The following MYT1L variants were observed in gnomAD, a reference collection of about 807,000 sequenced individuals.
The protein encoded by MYT1L is myelin transcription factor 1-like protein.
In MYT1L, 12 loss-of-function variants were observed where a neutral mutation model predicts 126.7. That is an observed-to-expected ratio of 0.09 (90% confidence interval 0.06 to 0.15). The LOEUF is 0.15. Among genes scored for constraint, MYT1L ranks in the 10% least tolerant of loss-of-function variants. The pLI, the probability that MYT1L is intolerant of heterozygous loss-of-function variation, is 1.00. For synonymous variants in MYT1L, 541 were observed against 604.2 expected (o/e 0.90, Z 1.53); for missense variants, 979 against 1,585.2 (o/e 0.62, Z 6.49).
intron 2 of MYT1L, among the ~76,000 whole-genome samples, chr2:2,261,893 C>T (rs73913293): frequency 0.016 from 2,456 of 152,228 alleles, 63 homozygotes; most frequent in African/African-American, 0.057. Flanking sequence ...TAAAAATAAA[C>T]TTAAAAAATA....
intron 3 of MYT1L, among the ~76,000 whole-genome samples, chr2:2,082,063 A>C (rs1249163475): frequency 6.6e-6 from 1 of 152,096 alleles, no homozygotes; most frequent in Non-Finnish European, 1.5e-5. Context: ...TTTAAAGCAT[A>C]ATTGGAATGA....
chr2:1,949,788 G>A (rs1358894949), intron 8 of MYT1L, among the ~76,000 whole-genome samples: 1 of 152,192 alleles, frequency 6.6e-6, no homozygotes, highest in African/African-American at 2.4e-5. Flanking sequence ...CCACCAGAGA[G>A]CGGGGCTCGG....
At chr2:2,203,756 A>T (rs2093186763) in intron 2 of MYT1L, among the ~76,000 whole-genome samples, 1 of 152,206 alleles carries the variant, frequency 6.6e-6, no homozygotes, top group African/African-American at 2.4e-5. Flanking sequence ...ATTGGAAAAA[A>T]CTACTTTAAA....
chr2:2,027,014 C>T (rs988842335), intron 4 of MYT1L, among the ~76,000 whole-genome samples: 2 of 152,162 alleles, frequency 1.3e-5, no homozygotes, highest in Admixed American at 6.5e-5. Context: ...AGCGTCCAGG[C>T]GGGGGCACAT....
At chr2:2,088,856 T>C (rs1271749224) in intron 3 of MYT1L, among the ~76,000 whole-genome samples, 1 of 152,200 alleles carries the variant, frequency 6.6e-6, no homozygotes, top group African/African-American at 2.4e-5. Flanking sequence ...TCTCATTTTT[T>C]AAAATCAAAC....
chr2:1,816,999 C>T (rs1191864160), intron 21 of MYT1L: 1 of 152,272 alleles, frequency 6.6e-6, no homozygotes, highest in Non-Finnish European at 1.5e-5. Context: ...CCTCAGCTCC[C>T]CATGGGTGCC....
At chr2:2,286,563 G>A (rs1366099620) in intron 1 of MYT1L, among the ~76,000 whole-genome samples, 3 of 152,078 alleles carry the variant, frequency 2.0e-5, no homozygotes, top group Non-Finnish European at 4.4e-5. Flanking sequence ...TCTGGTCTTC[G>A]GATTTTACTT....
intron 1 of MYT1L, among the ~76,000 whole-genome samples, chr2:2,302,296 A>G (rs2095797314): frequency 6.6e-6 from 1 of 152,268 alleles, no homozygotes. Context: ...TAATTACCTA[A>G]CTTATTAGTC....
rs1478741406 is a variant in MYT1L at position 1,889,769 on chromosome 2, T to C, written c.2284-292A>G. ...ATTTATCTACTGTCTATCCTCTCTC[T>C]CTCCTTCCTTTTTGTCCTATTGTAT... On this transcript the variant is annotated intron_variant, in intron 15 of 24. Coordinates refer to ENST00000647738, the MANE Select transcript of MYT1L (RefSeq NM_001303052.2). The surrounding 1 kb of genome is among the most constrained non-coding windows in gnomAD (Gnocchi z 4.1). 6.6e-6 allele frequency among the ~76,000 whole-genome samples: 1 copy of C among 152,118 alleles called. No individual in the cohort carries two copies. Among genetic ancestry groups the C allele is most frequent in the Admixed American group, 6.5e-5 (1 of 15,284 alleles).
At chr2:1,956,438 CTACCT>C (rs1264044035) in intron 8 of MYT1L, among the ~76,000 whole-genome samples, 5 of 80,438 alleles carry the variant, frequency 6.2e-5, no homozygotes, top group East Asian at 9.5e-4. Context: ...ATCTATCTAT[CTACCT>C]ATCATCTATC....
chr2:2,025,205 C>T (rs2065417219), intron 4 of MYT1L, among the ~76,000 whole-genome samples: 1 of 152,314 alleles, frequency 6.6e-6, no homozygotes, highest in African/African-American at 2.4e-5. Flanking sequence ...CACAGCACTG[C>T]CTCCAAGCCT....
At chr2:2,180,290 GT>G (rs778074388) in intron 2 of MYT1L, among the ~76,000 whole-genome samples, 2 of 150,762 alleles carry the variant, frequency 1.3e-5, no homozygotes, top group African/African-American at 2.4e-5. Context: ...TTCTTCATTT[GT>G]TTAGCATAGT....
chr2:2,159,179 G>A (rs1016620020), intron 3 of MYT1L, among the ~76,000 whole-genome samples: 3 of 152,124 alleles, frequency 2.0e-5, no homozygotes, highest in African/African-American at 7.2e-5. Context: ...GGCTGTCGGG[G>A]TGACGGTGAC....
chr2:1,922,670 A>T lies in MYT1L; in HGVS notation c.1099T>A (p.Phe367Ile). ...TTTCTGTCCGGCGTCCTTCCGGGGA[A>T]GTCCTCTTCTGGCCGGACATGCTGA... ...IRQHVRPEED[F>I]PGRTPDRNYS... The change falls in exon 10 of 25, where the codon TTC (phenylalanine) becomes ATC (isoleucine). Residue 367 changes from phenylalanine to isoleucine, a missense_variant. By Grantham distance (21) the Phe-to-Ile change is conservative (BLOSUM62 0). This residue lies in a region of MYT1L where 243 missense variants were observed against 363.9 expected (regional missense o/e 0.67). Coordinates refer to ENST00000647738, the MANE Select transcript of MYT1L (RefSeq NM_001303052.2). The surrounding 1 kb of genome is among the most constrained non-coding windows in gnomAD (Gnocchi z 7.4). The T allele has an allele frequency of 6.2e-7, 1 of 1,613,816 alleles. No homozygotes were observed. The highest frequency in any genetic ancestry group is 8.5e-7 in the Non-Finnish European group (1 of 1,179,844).
intron 2 of MYT1L, among the ~76,000 whole-genome samples, chr2:2,262,196 G>A (rs2094986025): frequency 6.6e-6 from 1 of 152,096 alleles, no homozygotes; most frequent in Non-Finnish European, 1.5e-5. Flanking sequence ...AATCAACTTT[G>A]GGGAAGAATA....
Position 1,790,952 on chromosome 2 carries a change from AG to A in MYT1L, c.*914del. 7.8e-6 allele frequency: 2 copies of A among 255,016 alleles called. No homozygotes were observed. Among genetic ancestry groups the A allele is most frequent in the South Asian group, 9.1e-5 (2 of 21,920 alleles). The allele number at this position is 255,016 out of a possible 1,614,324, so 15.8% of individuals were successfully genotyped here. A position where few individuals can be genotyped will look rare whatever the true frequency, so the allele number is the denominator to read the frequency against. On this transcript the variant is annotated 3_prime_UTR_variant, in exon 25 of 25. Transcript: ENST00000647738. ...TACATTGCAATAACAGACAGTTCAG[AG>A]GGGCACGAAACTCTAGGGGAGATAC... is the stretch of plus-strand genomic sequence containing the variant.
intron 2 of MYT1L, among the ~76,000 whole-genome samples, chr2:2,269,271 A>T (rs2095210072): frequency 6.6e-6 from 1 of 152,242 alleles, no homozygotes; most frequent in Non-Finnish European, 1.5e-5. Flanking sequence ...ATTGAGATCA[A>T]ATTGTTACAG....
At chr2:2,160,528 AG>A (rs2087694697) in intron 3 of MYT1L, among the ~76,000 whole-genome samples, 1 of 152,184 alleles carries the variant, frequency 6.6e-6, no homozygotes, top group Non-Finnish European at 1.5e-5. Flanking sequence ...GAGAGGGTTG[AG>A]GGGAGACTTC....
chr2:2,212,312 C>T (rs373356544), intron 2 of MYT1L, among the ~76,000 whole-genome samples: 40 of 151,294 alleles, frequency 2.6e-4, no homozygotes, highest in South Asian at 2.1e-4. Flanking sequence ...AAGGAGCAGG[C>T]GAAATTTTAG....
Sources: gnomAD v4.1 joint callset for allele counts (sites outside exome capture counted in the v4.1 genomes callset) on GRCh38, gnomAD v4.1.1 for gene constraint, gnomAD v4.1.1 regional missense constraint, Gnocchi (gnomAD v3.1) non-coding constraint, MANE v1.5 for transcripts, NCBI Gene and HGNC (gene_info 2026-07-23, HGNC 2026-07-21) for gene names.